DNAJC13: variants seen among roughly 807,000 people sequenced by gnomAD.
DNAJC13 encodes DnaJ heat shock protein family (Hsp40) member C13, also known as dnaJ homolog subfamily C member 13.
A neutral mutation model predicts 290.5 loss-of-function variants in DNAJC13; 75 were observed. That is an observed-to-expected ratio of 0.26 (90% CI 0.21 to 0.31). DNAJC13 has a LOEUF of 0.31. DNAJC13 is among the 10% of genes least tolerant of loss of function. DNAJC13 has a pLI of 1.00. For synonymous variants in DNAJC13, 862 were observed against 892.0 expected (o/e 0.97, Z 0.60); for missense variants, 2,260 against 2,674.5 (o/e 0.85, Z 3.42).
chr3:132,507,528 A>G (rs952481722), intron 43 of DNAJC13, among the ~76,000 whole-genome samples, 175 bp downstream of exon 43: 1 of 150,996 alleles, frequency 6.6e-6, no homozygotes, highest in Non-Finnish European at 1.5e-5. Context: ...AAGCAAGCCT[A>G]TTGGCACCAT....
rs183655094 is a variant in DNAJC13 at position 132,525,144 on chromosome 3, C to T, written c.6061-466C>T. Among the ~76,000 whole-genome samples the T allele has an allele frequency of 4.4e-3, 671 of 152,182 alleles. 6 individuals carry two copies. Among genetic ancestry groups the T allele is most frequent in the African/African-American group, 0.014 (599 of 41,514 alleles). On this transcript the variant is annotated intron_variant, in intron 51 of 55. Transcript: ENST00000260818. Reference sequence around the variant, plus strand: ...TCACCTGAGGTCAGGAGTTCGAGACCAGCCTCAACATGGAGAAACCCCGTC... The same window carrying T: ...TCACCTGAGGTCAGGAGTTCGAGACTAGCCTCAACATGGAGAAACCCCGTC...
rs1038253514 is a variant in DNAJC13 at position 132,456,571 on chromosome 3, A to G, written c.1170A>G (p.Val390=). 6.2e-7 allele frequency: 1 copy of G among 1,613,902 alleles called. No homozygotes were observed. The highest frequency in any genetic ancestry group is 1.3e-5 in the African/African-American group (1 of 75,014). The change falls in exon 11 of 56, where the codon GTA becomes GTG. Residue 390 remains valine, a synonymous_variant. Coordinates refer to ENST00000260818, the MANE Select transcript of DNAJC13 (RefSeq NM_015268.4). Reference sequence around the variant, plus strand: ...CATACAGTGGAGTCCTACATGCAGTAACACAAGATGTAAGCTAAGTTTTAT... The same window carrying G: ...CATACAGTGGAGTCCTACATGCAGTGACACAAGATGTAAGCTAAGTTTTAT... ...NISYSGVLHA[V]TQDGLFSENK... is the part of the protein sequence containing the mutation.
intron 17 of DNAJC13, 34 bp from the exon 18 acceptor site, chr3:132,465,961 G>A (rs1933966646): frequency 1.3e-6 from 2 of 1,516,476 alleles, no homozygotes; most frequent in Non-Finnish European, 1.8e-6. Flanking sequence ...CTGAGATAAA[G>A]CAGCAAACCT....
chr3:132,437,661 G>A (rs762711839), intron 2 of DNAJC13, among the ~76,000 whole-genome samples: 3 of 152,084 alleles, frequency 2.0e-5, no homozygotes, highest in Non-Finnish European at 4.4e-5. Flanking sequence ...ATTCTGTTCT[G>A]TTGATCCTGT....
chr3:132,457,215 A>G (rs1933632867), intron 12 of DNAJC13, 54 bp from the exon 13 acceptor site: 4 of 1,280,248 alleles, frequency 3.1e-6, no homozygotes, highest in Non-Finnish European at 3.3e-6. Flanking sequence ...CAATAATATA[A>G]CAATTTAAAA....
intron 5 of DNAJC13, among the ~76,000 whole-genome samples, chr3:132,449,846 C>T (rs779064652): frequency 3.3e-5 from 5 of 152,154 alleles, no homozygotes; most frequent in Non-Finnish European, 5.9e-5. Context: ...ATACTCATTT[C>T]ACATCTGAAA....
At chr3:132,523,293 T>C in intron 50 of DNAJC13, 94 bp downstream of exon 50, 1 of 1,414,164 alleles carries the variant, frequency 7.1e-7, no homozygotes, top group Non-Finnish European at 9.9e-7. Flanking sequence ...ATAACTACTT[T>C]GTCATCAAGA....
intron 31 of DNAJC13, among the ~76,000 whole-genome samples, chr3:132,489,530 C>T (rs1934998527): frequency 6.6e-6 from 1 of 151,280 alleles, no homozygotes; most frequent in Non-Finnish European, 1.5e-5. Context: ...ACAATCTAAA[C>T]TTAATGCCTA....
At chr3:132,453,201 A>T in intron 6 of DNAJC13, 97 bp from the exon 7 acceptor site, 1 of 1,106,878 alleles carries the variant, frequency 9.0e-7, no homozygotes, top group Non-Finnish European at 1.3e-6. Context: ...TTTTTTCTCT[A>T]GAATTGCTAC....
At chr3:132,495,465 A>C (rs1935207396) in intron 35 of DNAJC13, among the ~76,000 whole-genome samples, 1 of 152,188 alleles carries the variant, frequency 6.6e-6, no homozygotes, top group East Asian at 1.9e-4. Context: ...TAAGGAATTC[A>C]GGGGAGCTTA....
chr3:132,479,564 A>C (rs1934597838), intron 25 of DNAJC13, among the ~76,000 whole-genome samples: 1 of 152,160 alleles, frequency 6.6e-6, no homozygotes, highest in African/African-American at 2.4e-5. Context: ...AATGATTTTT[A>C]ATAATAAAAA....
At chr3:132,457,222 A>C in intron 12 of DNAJC13, 47 bp from the exon 13 acceptor site, 1 of 1,345,056 alleles carries the variant, frequency 7.4e-7, no homozygotes, top group African/African-American at 1.5e-5. Context: ...ATAACAATTT[A>C]AAATGTTCTG....
At chr3:132,468,849 AATAAC>A (rs1168345122) in intron 20 of DNAJC13, among the ~76,000 whole-genome samples, 1 of 152,190 alleles carries the variant, frequency 6.6e-6, no homozygotes, top group Non-Finnish European at 1.5e-5. Context: ...CGATTTCTAA[AATAAC>A]AGTTCTTTCA....
chr3:132,518,658 AT>A (rs915702116), intron 48 of DNAJC13, among the ~76,000 whole-genome samples: 13 of 151,390 alleles, frequency 8.6e-5, no homozygotes, highest in Admixed American at 8.6e-4. Flanking sequence ...GTCTGGCCAA[AT>A]TTTTTTTTCC....
chr3:132,534,174 A>G (rs976791895), intron 55 of DNAJC13, among the ~76,000 whole-genome samples: 4 of 152,142 alleles, frequency 2.6e-5, no homozygotes, highest in African/African-American at 4.8e-5. Flanking sequence ...GGGCATGGAG[A>G]TAATGAGTCT....
At chr3:132,523,736 A>C in intron 51 of DNAJC13, 23 bp downstream of exon 51, 1 of 1,603,882 alleles carries the variant, frequency 6.2e-7, no homozygotes, top group South Asian at 1.1e-5. Context: ...CAAAAGCAAA[A>C]CATTTCAAAG....
rs139654350 is a variant in DNAJC13, at chr3:132,533,556, G to A, written c.6625+2459G>A. On this transcript the variant is annotated intron_variant, in intron 55 of 55. Transcript: ENST00000260818. Reference sequence around the variant, plus strand: ...TTGCTGTGTTGGCCAGGCTGGTCTCGGACTCCTGACCTCAAATGATCCACC... The same window carrying A: ...TTGCTGTGTTGGCCAGGCTGGTCTCAGACTCCTGACCTCAAATGATCCACC... Among the ~76,000 whole-genome samples, 1,145 of 151,736 alleles carry A rather than the reference G, an allele frequency of 7.5e-3. 12 individuals are homozygous for A. The highest frequency in any genetic ancestry group is 0.015 in the African/African-American group (641 of 41,372).
intron 28 of DNAJC13, among the ~76,000 whole-genome samples, 167 bp downstream of exon 28, chr3:132,483,744 A>G (rs918338322): frequency 1.3e-5 from 2 of 152,264 alleles, no homozygotes; most frequent in African/African-American, 4.8e-5. Context: ...TGCAAATTAT[A>G]TTAATAAAGT....
intron 20 of DNAJC13, among the ~76,000 whole-genome samples, chr3:132,467,590 C>A (rs958439021): frequency 6.6e-6 from 1 of 151,904 alleles, no homozygotes; most frequent in Admixed American, 6.6e-5. Flanking sequence ...CTCAGCCTCC[C>A]GAGTAGCTGG....
Sources: gnomAD v4.1 joint callset for allele counts (sites outside exome capture counted in the v4.1 genomes callset) on GRCh38, gnomAD v4.1.1 for gene constraint, MANE v1.5 for transcripts, NCBI Gene and HGNC (gene_info 2026-07-23, HGNC 2026-07-21) for gene names.